The following SLC24A3 variants were observed in gnomAD, a reference collection of about 807,000 sequenced individuals.
SLC24A3 encodes sodium/potassium/calcium exchanger 3.
In SLC24A3, 28 loss-of-function variants were observed where a neutral mutation model predicts 75.8. The observed-to-expected ratio is 0.37, with a 90% confidence interval of 0.27 to 0.51. SLC24A3 has a LOEUF of 0.51. SLC24A3 is among the 20% of genes least tolerant of loss of function. The probability of loss-of-function intolerance (pLI) is 0.94; values close to 1 mark genes in which losing one functional copy is unlikely to be tolerated. For missense variants in SLC24A3, 663 were observed against 847.8 expected, an observed-to-expected ratio of 0.78 and a Z score of 2.71; for synonymous variants, 372 against 334.1, an observed-to-expected ratio of 1.11 and a Z score of -1.24.
intron 7 of SLC24A3, among the ~76,000 whole-genome samples, chr20:19,654,690 C>T (rs1342717848): frequency 6.9e-6 from 1 of 144,858 alleles, no homozygotes; most frequent in Non-Finnish European, 1.5e-5. Context: ...CTCTGTTGCC[C>T]AGGCAGGAGT....
intron 2 of SLC24A3, among the ~76,000 whole-genome samples, chr20:19,341,562 TA>T (rs1985274355): frequency 1.3e-5 from 2 of 151,962 alleles, no homozygotes; most frequent in Admixed American, 6.5e-5. Context: ...ATTCCAGGGG[TA>T]AATATAGTGT....
chr20:19,430,526 TA>T (rs757112294), intron 2 of SLC24A3, among the ~76,000 whole-genome samples: 1 of 152,110 alleles, frequency 6.6e-6, no homozygotes. Flanking sequence ...ATGTGGAATT[TA>T]AAAACAGAAC....
chr20:19,443,248 T>C (rs1987325323), intron 2 of SLC24A3, among the ~76,000 whole-genome samples: 1 of 152,198 alleles, frequency 6.6e-6, no homozygotes. Context: ...TTAGATTGCA[T>C]TGAACCCATA....
At chr20:19,490,916 T>C (rs1988200241) in intron 2 of SLC24A3, among the ~76,000 whole-genome samples, 3 of 152,254 alleles carry the variant, frequency 2.0e-5, no homozygotes, top group East Asian at 1.9e-4. Flanking sequence ...TCCTCCCTCA[T>C]GGCAATCTGT....
Position 19,458,555 on chromosome 20 carries a change from G to A in SLC24A3, c.272-56933G>A, listed in dbSNP as rs542559270. Reference sequence around the variant, plus strand: ...ATTTCTCCCTCCTCCCTAGCCCCTGGCAACCACCATTCCATTTTCTGTGTG... The same window carrying A: ...ATTTCTCCCTCCTCCCTAGCCCCTGACAACCACCATTCCATTTTCTGTGTG... On this transcript the variant is annotated intron_variant, in intron 2 of 16. Transcript: ENST00000328041. Among the ~76,000 whole-genome samples the A allele has an allele frequency of 2.0e-5, 3 of 152,116 alleles. No individual in the cohort carries two copies. In the South Asian group the frequency reaches 6.2e-4, roughly 32 times the overall value.
chr20:19,571,054 G>A (rs1255014444), intron 3 of SLC24A3, among the ~76,000 whole-genome samples: 1 of 152,026 alleles, frequency 6.6e-6, no homozygotes, highest in African/African-American at 2.4e-5. Flanking sequence ...GTGTGGTGTG[G>A]TGTGGTGTGG....
chr20:19,589,695 T>C (rs2031346840), intron 6 of SLC24A3, among the ~76,000 whole-genome samples: 1 of 152,190 alleles, frequency 6.6e-6, no homozygotes, highest in South Asian at 2.1e-4. Flanking sequence ...TTTTCTCTAA[T>C]GTTAAAAATA....
chr20:19,597,838 C>T (rs2031470875), intron 6 of SLC24A3, among the ~76,000 whole-genome samples: 1 of 152,148 alleles, frequency 6.6e-6, no homozygotes, highest in Non-Finnish European at 1.5e-5. Flanking sequence ...TCTTTCTGTG[C>T]CTGGCTTATT....
intron 2 of SLC24A3, among the ~76,000 whole-genome samples, chr20:19,354,149 C>T (rs1023718537): frequency 3.3e-5 from 5 of 152,144 alleles, no homozygotes; most frequent in East Asian, 3.9e-4. Context: ...AACCCACAAC[C>T]GCATGAACGG....
In SLC24A3 at chr20:19,322,615, G is replaced by T. The variant is rs147200351; in HGVS notation, c.271+41528G>T. On this transcript the variant is annotated intron_variant, in intron 2 of 16. Transcript: ENST00000328041. The stretch of plus-strand genomic sequence containing the variant: ...ATTTCCCTCTAGCCTGCATCTACTT[G>T]TTCTGTGAAATTTAGTTAGGTTATA... Among the ~76,000 whole-genome samples, 378 of 152,184 alleles carry T rather than the reference G, an allele frequency of 2.5e-3. 3 individuals are homozygous for T. Among genetic ancestry groups the T allele is most frequent in the African/African-American group, 8.8e-3 (364 of 41,530 alleles).
At chr20:19,468,830 G>A (rs556873147) in intron 2 of SLC24A3, among the ~76,000 whole-genome samples, 24 of 152,290 alleles carry the variant, frequency 1.6e-4, no homozygotes, top group African/African-American at 5.8e-4. Context: ...GATGAGAGGG[G>A]CAAGGAGGTG....
At chr20:19,335,069 T>C (rs1351108362) in intron 2 of SLC24A3, among the ~76,000 whole-genome samples, 2 of 152,212 alleles carry the variant, frequency 1.3e-5, no homozygotes, top group Non-Finnish European at 2.9e-5. Context: ...TAGCTTGAAA[T>C]AGGACTGGAA....
intron 3 of SLC24A3, among the ~76,000 whole-genome samples, chr20:19,576,712 T>C (rs1205430897): frequency 6.6e-6 from 1 of 152,180 alleles, no homozygotes; most frequent in Non-Finnish European, 1.5e-5. Flanking sequence ...CAACAGTGTG[T>C]TAGATGGAGC....
intron 16 of SLC24A3, among the ~76,000 whole-genome samples, chr20:19,717,881 T>C (rs2033060030): frequency 6.6e-6 from 1 of 152,118 alleles, no homozygotes; most frequent in Non-Finnish European, 1.5e-5. Flanking sequence ...GCAATATGAG[T>C]CATGGAAAGG....
At chr20:19,312,465 A>G (rs906702669) in intron 2 of SLC24A3, among the ~76,000 whole-genome samples, 2 of 152,198 alleles carry the variant, frequency 1.3e-5, no homozygotes, top group Non-Finnish European at 2.9e-5. Context: ...TGAACTATAC[A>G]GGGTAAAAAG....
At chr20:19,696,956 G>A (rs763912059) in intron 14 of SLC24A3, 45 bp downstream of exon 14, 6 of 526,692 alleles carry the variant, frequency 1.1e-5, no homozygotes, top group Non-Finnish European at 1.8e-5. Flanking sequence ...GGAGGGAGGA[G>A]GAGAGGGAGG....
intron 6 of SLC24A3, among the ~76,000 whole-genome samples, chr20:19,610,040 C>G (rs955202452): frequency 6.6e-6 from 1 of 152,212 alleles, no homozygotes; most frequent in Admixed American, 6.5e-5. Flanking sequence ...CATTTGTTTT[C>G]TTTATGAGCT....
At chr20:19,480,965 G>C (rs760989615) in intron 2 of SLC24A3, among the ~76,000 whole-genome samples, 70 of 152,134 alleles carry the variant, frequency 4.6e-4, no homozygotes, top group Non-Finnish European at 8.8e-4. Flanking sequence ...AATACTTTGG[G>C]TTCTTGACAG....
intron 6 of SLC24A3, among the ~76,000 whole-genome samples, chr20:19,640,815 G>A (rs1157616906): frequency 6.6e-6 from 1 of 152,144 alleles, no homozygotes; most frequent in East Asian, 1.9e-4. Context: ...GAACTTTTAA[G>A]TTAAAATCAG....
Sources: allele counts gnomAD v4.1 joint callset (sites outside exome capture counted in the v4.1 genomes callset), GRCh38; gene constraint gnomAD v4.1.1; transcripts MANE v1.5; gene names NCBI Gene and HGNC (gene_info 2026-07-23, HGNC 2026-07-21).